The following RPA1 variants were observed in gnomAD, a reference collection of about 807,000 sequenced individuals.
RPA1 encodes replication protein A1.
RPA1 carries 49 observed loss-of-function variants against 83.0 expected under a neutral mutation model. That is an observed-to-expected ratio of 0.59 (90% CI 0.47 to 0.75). The LOEUF (loss-of-function observed/expected upper bound fraction) is 0.75, where lower values mean the gene tolerates loss of function less well. Among genes scored for constraint, RPA1 ranks in the 30% least tolerant of loss-of-function variants. The pLI, the probability that RPA1 is intolerant of heterozygous loss-of-function variation, is 0.00. For synonymous variants in RPA1, 279 were observed against 281.8 expected (o/e 0.99, Z 0.10); for missense variants, 693 against 776.1 (o/e 0.89, Z 1.27).
rs1019488935 is a variant in RPA1, at chr17:1,899,295, T to A, written c.*2120T>A. On this transcript the variant is annotated 3_prime_UTR_variant, in exon 17 of 17. Coordinates refer to ENST00000254719, the MANE Select transcript of RPA1 (RefSeq NM_002945.5). ...TGCCTAAATAGATTCTGGCCCACAG[T>A]TTACCTCGAAAGGCTGTTGATGTTG... 1 of 152,720 alleles carries A rather than the reference T, an allele frequency of 6.5e-6. No homozygotes were observed. The highest frequency in any genetic ancestry group is 1.5e-5 in the Non-Finnish European group (1 of 68,058). 9.5% of individuals were successfully genotyped at this position (152,720 alleles called of 1,614,324 possible). A position where few individuals can be genotyped will look rare whatever the true frequency, so the allele number is the denominator to read the frequency against.
intron 5 of RPA1, chr17:1,858,415 C>T (rs896478536): frequency 2.7e-5 from 42 of 1,572,558 alleles, no homozygotes; most frequent in Admixed American, 3.3e-5. Flanking sequence ...GAGGCAATGA[C>T]GACCAACGTG....
chr17:1,891,158 T>C (rs1914187465), intron 14 of RPA1, among the ~76,000 whole-genome samples: 1 of 152,164 alleles, frequency 6.6e-6, no homozygotes. Flanking sequence ...AGCAAGTGGA[T>C]TCTTTGAGAT....
chr17:1,897,146 A>T lies in RPA1; in HGVS notation c.1822A>T (p.Met608Leu). 6.4e-7 allele frequency: 1 copy of T among 1,562,042 alleles called. No individual in the cohort carries two copies. The highest frequency in any genetic ancestry group is 8.7e-7 in the Non-Finnish European group (1 of 1,152,904). The change falls in exon 17 of 17, where the codon ATG becomes TTG. Residue 608 changes from methionine to leucine, a missense_variant. Met to Leu is a conservative substitution (Grantham distance 15). Transcript: ENST00000254719. ...DYREYGRRLV[M>L]SIRRSALM ...CAGAGAGTATGGCCGAAGGCTGGTC[A>T]TGAGCATCAGGAGAAGTGCATTGAT...
chr17:1,853,799 G>A (rs574988515), intron 5 of RPA1, among the ~76,000 whole-genome samples: 1 of 152,320 alleles, frequency 6.6e-6, no homozygotes, highest in African/African-American at 2.4e-5. Flanking sequence ...TGAGAAACGT[G>A]TTTTCCTAAG....
In RPA1 at chr17:1,880,595, G is replaced by C; in HGVS notation, c.1145G>C (p.Arg382Pro). Residue 382 changes from arginine (R) to proline (P), a missense_variant, in exon 12 of 17, where the codon CGA becomes CCA. Arg to Pro is a moderately radical substitution (Grantham distance 103, BLOSUM62 -2). Transcript: ENST00000254719. ...RQPVLAIKGA[R>P]VSDFGGRSLS... ...CCCGTGTTGGCTATCAAAGGAGCCCGAGTCTCTGATTTCGGTGGACGGAGC... is the reference window on the plus strand; with the variant it reads ...CCCGTGTTGGCTATCAAAGGAGCCCCAGTCTCTGATTTCGGTGGACGGAGC... The C allele has an allele frequency of 6.2e-7, 1 of 1,614,118 alleles. No individual in the cohort carries two copies.
intron 13 of RPA1, among the ~76,000 whole-genome samples, chr17:1,887,620 G>T (rs1264477738): frequency 1.3e-5 from 2 of 151,612 alleles, no homozygotes; most frequent in African/African-American, 4.8e-5. Flanking sequence ...AGGCATGGTG[G>T]CTTACTCCTA....
At chr17:1,871,231 T>C (rs1253986422) in intron 5 of RPA1, among the ~76,000 whole-genome samples, 1 of 152,240 alleles carries the variant, frequency 6.6e-6, no homozygotes, top group East Asian at 1.9e-4. Flanking sequence ...CTCTCAATTT[T>C]TCTCTCCATA....
intron 1 of RPA1, among the ~76,000 whole-genome samples, chr17:1,838,177 G>T (rs541514001): frequency 6.6e-6 from 1 of 151,786 alleles, no homozygotes; most frequent in South Asian, 2.1e-4. Flanking sequence ...TGTAGTCCCA[G>T]CTACTCGGGA....
chr17:1,872,587 A>C, intron 6 of RPA1, 61 bp downstream of exon 6: 1 of 1,585,644 alleles, frequency 6.3e-7, no homozygotes, highest in Non-Finnish European at 8.6e-7. Context: ...TCATGTTTTG[A>C]AGTTGAATCT....
rs575672366 is a variant in RPA1, at chr17:1,840,794, G to A, written c.34-2009G>A. On this transcript the variant is annotated intron_variant, in intron 1 of 16. Transcript: ENST00000254719. ...TAATTTACTTTTGAAGCCTGGCACG[G>A]TGGCTCACGCCTGTAATCCCAGCAC... is the stretch of plus-strand genomic sequence containing the variant. Among the ~76,000 whole-genome samples, 141 of 152,250 alleles carry A rather than the reference G, an allele frequency of 9.3e-4. 1 individual carries two copies. Among genetic ancestry groups the A allele is most frequent in the African/African-American group, 3.2e-3 (132 of 41,562 alleles).
intron 16 of RPA1, 102 bp downstream of exon 16, chr17:1,895,197 G>A (rs17292489): frequency 0.013 from 11,287 of 862,114 alleles, 162 homozygotes; most frequent in South Asian, 0.033. Flanking sequence ...TGTACTCACT[G>A]CCAGACCCCG....
intron 12 of RPA1, among the ~76,000 whole-genome samples, chr17:1,882,900 G>A (rs1305252011): frequency 6.6e-6 from 1 of 152,214 alleles, no homozygotes; most frequent in Non-Finnish European, 1.5e-5. Context: ...GCCTGGGGTG[G>A]TCTGGCCACT....
intron 5 of RPA1, among the ~76,000 whole-genome samples, chr17:1,863,488 C>T (rs1356186330): frequency 1.3e-5 from 2 of 152,156 alleles, no homozygotes; most frequent in African/African-American, 2.4e-5. Context: ...GTTGGGATTA[C>T]AGGTGTGAGC....
chr17:1,880,702 TG>T lies in RPA1; in HGVS notation c.1241+15del. On this transcript the variant is annotated intron_variant, in intron 12 of 16. Transcript: ENST00000254719. ...TAAGCTTCGTGGATGGTAGGTTTTG[TG>T]GGGCTAAACAAAGGGTTACTTGAGG... 6.2e-7 allele frequency: 1 copy of T among 1,612,598 alleles called. No individual in the cohort carries two copies. Among genetic ancestry groups the T allele is most frequent in the Non-Finnish European group, 8.5e-7 (1 of 1,179,834 alleles).
intron 5 of RPA1, among the ~76,000 whole-genome samples, chr17:1,859,336 A>G (rs1912850372): frequency 6.6e-6 from 1 of 152,114 alleles, no homozygotes; most frequent in African/African-American, 2.4e-5. Flanking sequence ...TGTGTTATTC[A>G]GTTTTTCTAT....
rs187511734 is a variant in RPA1 at position 1,883,832 on chromosome 17, C to A, written c.1262C>A (p.Ala421Asp). Reference protein sequence around the residue: ...LRGWFDAEGQALDGVSISDLK... With the variant: ...LRGWFDAEGQDLDGVSISDLK... ...TTCAGGTTTGACGCAGAAGGACAAG[C>A]CTTAGATGGTGTTTCCATCTCTGAT... is the stretch of plus-strand genomic sequence containing the variant. The change falls in exon 13 of 17, where the codon GCC becomes GAC. Residue 421 changes from alanine (A) to aspartate (D), a missense_variant. Coordinates refer to ENST00000254719, the MANE Select transcript of RPA1 (RefSeq NM_002945.5). 6.2e-7 allele frequency: 1 copy of A among 1,614,070 alleles called. No homozygotes were observed. The highest frequency in any genetic ancestry group is 2.2e-5 in the East Asian group (1 of 44,876).
At position 1,897,254 on chromosome 17, in the gene RPA1, C is replaced by A; in HGVS notation, c.*79C>A. The A allele has an allele frequency of 9.2e-7, 1 of 1,085,010 alleles. No homozygotes were observed. Among genetic ancestry groups the A allele is most frequent in the Non-Finnish European group, 1.3e-6 (1 of 743,138 alleles). The allele number at this position is 1,085,010 out of a possible 1,614,324, so 67.2% of individuals were successfully genotyped here. On this transcript the variant is annotated 3_prime_UTR_variant, in exon 17 of 17. Transcript: ENST00000254719. ...TTCCTCCCACCTCCGTGTGACGATC[C>A]CATGTTAGCTACACAGTGCAGAGGC...
chr17:1,893,529 C>CA (rs1462013726), intron 15 of RPA1, among the ~76,000 whole-genome samples: 2 of 151,728 alleles, frequency 1.3e-5, no homozygotes, highest in Admixed American at 6.6e-5. Flanking sequence ...GCGTGACTTG[C>CA]AAAAAACACT....
At chr17:1,879,114 G>A (rs1374113103) in intron 9 of RPA1, 53 bp downstream of exon 9, 1 of 1,612,478 alleles carries the variant, frequency 6.2e-7, no homozygotes, top group Non-Finnish European at 8.5e-7. Context: ...GAGTGCGGAT[G>A]AAAAGACGCT....
Sources: allele counts gnomAD v4.1 joint callset (sites outside exome capture counted in the v4.1 genomes callset), GRCh38; gene constraint gnomAD v4.1.1; transcripts MANE v1.5; gene names NCBI Gene and HGNC (gene_info 2026-07-23, HGNC 2026-07-21).